ZDHHC9: variants seen among roughly 807,000 people sequenced by gnomAD.
ZDHHC9 encodes the protein zDHHC palmitoyltransferase 9, also known as palmitoyltransferase ZDHHC9.
In ZDHHC9, 3 loss-of-function variants were observed where a neutral mutation model predicts 26.6. That is an observed-to-expected ratio of 0.11 (90% confidence interval 0.05 to 0.29). The LOEUF (loss-of-function observed/expected upper bound fraction) is 0.29. ZDHHC9 is among the 10% of genes least tolerant of loss of function. The pLI, the probability that ZDHHC9 is intolerant of heterozygous loss-of-function variation, is 1.00. For synonymous variants in ZDHHC9, 111 were observed against 109.4 expected (o/e 1.01, Z -0.09); for missense variants, 146 against 296.4 (o/e 0.49, Z 3.73).
At chrX:129,807,548 G>A (rs988500634) in intron 10 of ZDHHC9, among the ~76,000 whole-genome samples, 5 of 110,825 alleles carry the variant, frequency 4.5e-5, no homozygotes, top group African/African-American at 6.6e-5. Flanking sequence ...GGCCGAGTAC[G>A]GTGGCTCGTG....
At chrX:129,832,793 A>G (rs770870818) in intron 3 of ZDHHC9, among the ~76,000 whole-genome samples, 4 of 105,981 alleles carry the variant, frequency 3.8e-5, no homozygotes, top group Non-Finnish European at 5.8e-5. Context: ...AAAAATAAAT[A>G]AATAAATAAA....
intron 6 of ZDHHC9, 60 bp downstream of exon 6, chrX:129,814,598 C>T (rs1927716475): frequency 8.3e-7 from 1 of 1,200,590 alleles, no homozygotes; most frequent in South Asian, 1.8e-5. Context: ...CTCTAAGCTG[C>T]CCTTAACTCT....
chrX:129,821,038 A>C (rs1435262218), intron 5 of ZDHHC9, among the ~76,000 whole-genome samples: 4 of 111,746 alleles, frequency 3.6e-5, no homozygotes, highest in Non-Finnish European at 7.5e-5. Flanking sequence ...ATATGAAAAA[A>C]TGCTCAACAT....
At chrX:129,829,247 C>T (rs981012317) in intron 3 of ZDHHC9, 106 bp from the exon 4 acceptor site, 4 of 910,333 alleles carry the variant, frequency 4.4e-6, no homozygotes, top group African/African-American at 2.0e-5. Context: ...AGCAGCACCT[C>T]AAGGGCAGGG....
At chrX:129,809,384 T>C (rs1254206424) in intron 10 of ZDHHC9, among the ~76,000 whole-genome samples, 3 of 112,136 alleles carry the variant, frequency 2.7e-5, no homozygotes, top group Non-Finnish European at 5.6e-5. Flanking sequence ...CATTTGGCCA[T>C]ATAAAGGAAC....
At chrX:129,832,737 C>T (rs1928171125) in intron 3 of ZDHHC9, among the ~76,000 whole-genome samples, 6 of 109,975 alleles carry the variant, frequency 5.5e-5, no homozygotes, top group African/African-American at 1.7e-4. Flanking sequence ...GAGCGGAGAT[C>T]GTGCCACTGC....
chrX:129,813,897 C>T (rs1484241914), intron 6 of ZDHHC9, among the ~76,000 whole-genome samples, 172 bp from the exon 7 acceptor site: 1 of 112,427 alleles, frequency 8.9e-6, no homozygotes, highest in Non-Finnish European at 1.9e-5. Context: ...CTGGTAGTCT[C>T]ATGACTAAAG....
Position 129,828,397 on chromosome X carries a change from C to A in ZDHHC9, c.328+584G>T, listed in dbSNP as rs577845966. Among the ~76,000 whole-genome samples, 4 of 109,584 alleles carry A rather than the reference C, an allele frequency of 3.7e-5. No homozygotes were observed. In the South Asian group the frequency reaches 1.2e-3, roughly 33 times the overall value. ...CAGCAATTTGGGAGATCAAGGCGGG[C>A]GGATCACAAGGTCAGGAGATCGAGA... On this transcript the variant is annotated intron_variant, in intron 4 of 10. Transcript: ENST00000357166.
chrX:129,809,818 A>G (rs1693530962), intron 10 of ZDHHC9, among the ~76,000 whole-genome samples: 1 of 109,229 alleles, frequency 9.2e-6, no homozygotes, highest in Admixed American at 9.8e-5. Flanking sequence ...ACCAACATGG[A>G]GAAACCCCGT....
In ZDHHC9 at chrX:129,843,824, A is replaced by C. The variant is rs1331367229; in HGVS notation, c.-332T>G. The C allele has an allele frequency of 9.0e-6, 1 of 111,571 alleles. No individual in the cohort carries two copies. Among genetic ancestry groups the C allele is most frequent in the Non-Finnish European group, 1.9e-5 (1 of 52,926 alleles). The allele number at this position is 111,571 out of a possible 1,213,427, so 9.2% of individuals were successfully genotyped here. A position where few individuals can be genotyped will look rare whatever the true frequency, so the allele number is the denominator to read the frequency against. On this transcript the variant is annotated 5_prime_UTR_variant, in exon 1 of 11. Coordinates refer to ENST00000357166, the MANE Select transcript of ZDHHC9 (RefSeq NM_016032.4). ...GGCCGGGAGGCTGTCTCCTCCTGAC[A>C]AGGGGCCCCAGTGGTCGGGGCCCTA...
At chrX:129,817,921 C>T (rs1012320027) in intron 5 of ZDHHC9, among the ~76,000 whole-genome samples, 15 of 111,629 alleles carry the variant, frequency 1.3e-4, no homozygotes, top group Admixed American at 1.2e-3. Context: ...AATGATGCTA[C>T]GAACACTGGC....
chrX:129,836,134 C>T (rs982683235), intron 3 of ZDHHC9, among the ~76,000 whole-genome samples: 5 of 111,952 alleles, frequency 4.5e-5, no homozygotes, highest in African/African-American at 1.6e-4. Context: ...TCACTGTGGG[C>T]ACTAACATTC....
intron 5 of ZDHHC9, among the ~76,000 whole-genome samples, chrX:129,817,612 C>T (rs187173044): frequency 6.3e-5 from 7 of 111,535 alleles, no homozygotes; most frequent in African/African-American, 2.0e-4. Flanking sequence ...AAACTCTGCA[C>T]CCATTAAGCA....
At chrX:129,812,877 G>A (rs1927675433) in intron 7 of ZDHHC9, 57 bp from the exon 8 acceptor site, 15 of 842,484 alleles carry the variant, frequency 1.8e-5, no homozygotes, top group East Asian at 3.1e-5. Context: ...TGATGCCTCC[G>A]CCCATATTCA....
chrX:129,835,684 G>A (rs1318485434), intron 3 of ZDHHC9, among the ~76,000 whole-genome samples: 3 of 111,000 alleles, frequency 2.7e-5, no homozygotes, highest in African/African-American at 9.8e-5. Flanking sequence ...TCAGGAGGCT[G>A]AGGCAGGAGA....
intron 8 of ZDHHC9, 65 bp from the exon 9 acceptor site, chrX:129,811,574 A>T: frequency 1.2e-6 from 1 of 852,349 alleles, no homozygotes; most frequent in Admixed American, 2.8e-5. Context: ...ATAATAATAA[A>T]ATTAAAAACA....
In ZDHHC9 at chrX:129,804,035, T is replaced by G. The variant is rs1313152073; in HGVS notation, c.*2335A>C. On this transcript the variant is annotated 3_prime_UTR_variant, in exon 11 of 11. Transcript: ENST00000357166. ...GCAGGGAGTATGAAAAAGCAGAAAA[T>G]CATTTCACACTAGAGATAAGAGATT... is the stretch of plus-strand genomic sequence containing the variant. The G allele has an allele frequency of 9.0e-6, 1 of 110,934 alleles. No homozygotes were observed. Among genetic ancestry groups the G allele is most frequent in the Admixed American group, 9.6e-5 (1 of 10,440 alleles). 9.1% of individuals were successfully genotyped at this position (110,934 alleles called of 1,213,427 possible). A position where few individuals can be genotyped will look rare whatever the true frequency, so the allele number is the denominator to read the frequency against.
intron 3 of ZDHHC9, among the ~76,000 whole-genome samples, chrX:129,832,251 T>G (rs1454700638): frequency 9.0e-6 from 1 of 110,714 alleles, no homozygotes; most frequent in Non-Finnish European, 1.9e-5. Context: ...AAGCTGGAAG[T>G]CTGTCTCTGA....
chrX:129,815,760 AC>A (rs750962288), intron 5 of ZDHHC9, among the ~76,000 whole-genome samples: 60 of 112,293 alleles, frequency 5.3e-4, no homozygotes, highest in African/African-American at 1.7e-3. Context: ...AGAAAAAAAA[AC>A]AATGGCAATC....
Sources: gnomAD v4.1 joint callset for allele counts (sites outside exome capture counted in the v4.1 genomes callset) on GRCh38, gnomAD v4.1.1 for gene constraint, MANE v1.5 for transcripts, NCBI Gene and HGNC (gene_info 2026-07-23, HGNC 2026-07-21) for gene names.